Variants in ATP10B observed in about 807,000 individuals in gnomAD.
ATP10B encodes phospholipid-transporting ATPase VB.
A neutral mutation model predicts 141.2 loss-of-function variants in ATP10B; 122 were observed. The ratio of observed to expected loss-of-function variants is 0.86; its 90% CI spans 0.75 to 1.00. The LOEUF is 1.00. Among genes scored for constraint, ATP10B ranks in the 50% least tolerant of loss-of-function variants. The pLI is 0.00. For synonymous variants in ATP10B, 685 were observed against 692.0 expected (o/e 0.99, Z 0.16); for missense variants, 1,876 against 1,825.3 (o/e 1.03, Z -0.51).
At chr5:160,919,242 A>AAAAAAAAAAAAAC in the ATP10B span, among the ~76,000 whole-genome samples, 2 of 145,342 alleles carry the variant, frequency 1.4e-5, no homozygotes, top group Non-Finnish European at 3.0e-5. Flanking sequence ...AAAAAAAAAA[A>AAAAAAAAAAAAAC]AAAGCAGGGA....
At chr5:160,598,189 A>G (rs1581176644) in intron 22 of ATP10B, among the ~76,000 whole-genome samples, 1 of 152,046 alleles carries the variant, frequency 6.6e-6, no homozygotes, top group African/African-American at 2.4e-5. Flanking sequence ...CATATACACC[A>G]TGGAATACTA....
chr5:160,805,219 C>A (rs1343065724), intron 1 of ATP10B, among the ~76,000 whole-genome samples: 1 of 152,162 alleles, frequency 6.6e-6, no homozygotes, highest in Admixed American at 6.5e-5. Flanking sequence ...TTTTAGGATT[C>A]TGCACATGAA....
At chr5:160,916,396 TG>T in the ATP10B span, among the ~76,000 whole-genome samples, 1 of 152,136 alleles carries the variant, frequency 6.6e-6, no homozygotes, top group African/African-American at 2.4e-5. Context: ...AGGCAAAAGA[TG>T]TTTTTTTTGT....
At chr5:160,688,461 C>A (rs1168534558) in intron 4 of ATP10B, among the ~76,000 whole-genome samples, 1 of 152,150 alleles carries the variant, frequency 6.6e-6, no homozygotes, top group Non-Finnish European at 1.5e-5. Context: ...TTGGGGCTGT[C>A]AGGGATAGCT....
At chr5:160,680,496 T>C (rs936411033) in intron 6 of ATP10B, among the ~76,000 whole-genome samples, 1 of 152,204 alleles carries the variant, frequency 6.6e-6, no homozygotes, top group Non-Finnish European at 1.5e-5. Flanking sequence ...GGAAAAACTT[T>C]AGGGACATAT....
intron 1 of ATP10B, among the ~76,000 whole-genome samples, chr5:160,829,345 T>C (rs1774894729): frequency 6.6e-6 from 1 of 152,152 alleles, no homozygotes; most frequent in Admixed American, 6.5e-5. Context: ...ACCATGCTGT[T>C]TTGGTTACTG....
At chr5:160,853,376 A>G (rs557260799), upstream of ATP10B, among the ~76,000 whole-genome samples, 1 of 152,248 alleles carries the variant, frequency 6.6e-6, no homozygotes, top group South Asian at 2.1e-4. Flanking sequence ...ACTGGAGGTT[A>G]TTTAGTGAAG....
rs114567624 is a variant in ATP10B at position 160,651,623 on chromosome 5, G to A, written c.676-2367C>T. On this transcript the variant is annotated intron_variant, in intron 7 of 25. Transcript: ENST00000327245. ...CTGGGTAGAGCTTTTAGCAAAGGGC[G>A]TGAGTTTATCACTGAAAGCTTCAAG... Among the ~76,000 whole-genome samples the A allele has an allele frequency of 9.4e-3, 1,428 of 152,204 alleles. 16 individuals carry two copies. Among genetic ancestry groups the A allele is most frequent in the African/African-American group, 0.032 (1,332 of 41,532 alleles).
chr5:160,672,039 C>T (rs974370685), intron 6 of ATP10B, among the ~76,000 whole-genome samples: 23 of 124,390 alleles, frequency 1.8e-4, no homozygotes, highest in African/African-American at 4.9e-4. Context: ...TGCAGTCGTA[C>T]GATCTTGGCT....
intron 1 of ATP10B, among the ~76,000 whole-genome samples, chr5:160,837,956 T>G (rs1260269575): frequency 6.6e-6 from 1 of 152,222 alleles, no homozygotes; most frequent in East Asian, 1.9e-4. Context: ...GATTCTGTAA[T>G]GTAGTTACAG....
At chr5:160,756,104 A>G (rs1768580290) in intron 2 of ATP10B, among the ~76,000 whole-genome samples, 1 of 151,432 alleles carries the variant, frequency 6.6e-6, no homozygotes, top group South Asian at 2.1e-4. Flanking sequence ...TATCCAGGCA[A>G]TCACTGGTTA....
upstream of ATP10B, among the ~76,000 whole-genome samples, chr5:160,854,739 G>A (rs891877623): frequency 4.6e-5 from 7 of 151,994 alleles, no homozygotes; most frequent in Admixed American, 2.6e-4. Context: ...AAGAATCTCC[G>A]CACTGTCTTC....
At chr5:160,829,120 A>G (rs1321039730) in intron 1 of ATP10B, among the ~76,000 whole-genome samples, 1 of 151,410 alleles carries the variant, frequency 6.6e-6, no homozygotes, top group African/African-American at 2.4e-5. Flanking sequence ...TGATGAGTTA[A>G]TTGGTACAGC....
At chr5:160,828,378 C>T (rs1428568232) in intron 1 of ATP10B, among the ~76,000 whole-genome samples, 1 of 151,994 alleles carries the variant, frequency 6.6e-6, no homozygotes, top group Non-Finnish European at 1.5e-5. Flanking sequence ...AAAACAACCC[C>T]ATCAAAAAGT....
At chr5:160,613,972 A>G (rs1460315266) in intron 17 of ATP10B, 1 of 152,040 alleles carries the variant, frequency 6.6e-6, no homozygotes, top group Non-Finnish European at 1.5e-5. Context: ...CGTTGGATGC[A>G]TATTGAAAAG....
At chr5:160,882,421 A>G in the ATP10B span, among the ~76,000 whole-genome samples, 2 of 152,102 alleles carry the variant, frequency 1.3e-5, no homozygotes, top group East Asian at 3.9e-4. Flanking sequence ...GATTGTTCTA[A>G]GAAAATACAT....
At chr5:160,665,776 A>G (rs893797271) in intron 7 of ATP10B, among the ~76,000 whole-genome samples, 2 of 152,214 alleles carry the variant, frequency 1.3e-5, no homozygotes, top group Non-Finnish European at 2.9e-5. Flanking sequence ...GATGGTAAAA[A>G]TGAGTGTGGG....
intron 13 of ATP10B, among the ~76,000 whole-genome samples, chr5:160,624,815 A>G (rs1035282385): frequency 6.6e-6 from 1 of 152,264 alleles, no homozygotes; most frequent in African/African-American, 2.4e-5. Flanking sequence ...AGCCAGAATC[A>G]GAGCTCAGAC....
At chr5:160,646,008 T>C (rs1760252098) in intron 8 of ATP10B, among the ~76,000 whole-genome samples, 1 of 152,208 alleles carries the variant, frequency 6.6e-6, no homozygotes, top group African/African-American at 2.4e-5. Context: ...ACTGTGTTTA[T>C]AAACTACATT....
Sources: allele counts gnomAD v4.1 joint callset (sites outside exome capture counted in the v4.1 genomes callset), GRCh38; gene constraint gnomAD v4.1.1; transcripts MANE v1.5; gene names NCBI Gene and HGNC (gene_info 2026-07-23, HGNC 2026-07-21).